ADCY8: variants seen among roughly 807,000 people sequenced by gnomAD.
ADCY8 encodes the protein adenylate cyclase 8, also known as adenylate cyclase type 8.
In ADCY8, 51 loss-of-function variants were observed where a neutral mutation model predicts 119.7. The ratio of observed to expected loss-of-function variants is 0.43; its 90% CI spans 0.34 to 0.54. ADCY8 has a LOEUF of 0.54. Ranked by LOEUF, ADCY8 falls within the 20% of genes least tolerant of loss-of-function variation. ADCY8 has a pLI of 0.03. For synonymous variants in ADCY8, 665 were observed against 651.0 expected (o/e 1.02, Z -0.33); for missense variants, 1,383 against 1,598.8 (o/e 0.87, Z 2.30).
chr8:130,851,667 T>C (rs1457397408), intron 9 of ADCY8, among the ~76,000 whole-genome samples: 2 of 152,264 alleles, frequency 1.3e-5, no homozygotes, highest in East Asian at 3.9e-4. Context: ...GGGAACAGTA[T>C]GATAATTGGG....
At chr8:130,925,594 CTA>C (rs1820441693) in intron 5 of ADCY8, among the ~76,000 whole-genome samples, 1 of 152,112 alleles carries the variant, frequency 6.6e-6, no homozygotes, top group Non-Finnish European at 1.5e-5. Context: ...AGCATATTTT[CTA>C]TGTCACCTTA....
chr8:130,953,631 A>G (rs545825615), intron 2 of ADCY8, among the ~76,000 whole-genome samples: 1 of 152,256 alleles, frequency 6.6e-6, no homozygotes, highest in East Asian at 1.9e-4. Flanking sequence ...CATTAGGTAA[A>G]CTATCTCATC....
intron 14 of ADCY8, among the ~76,000 whole-genome samples, chr8:130,811,644 G>T (rs1057072443): frequency 6.6e-6 from 1 of 152,206 alleles, no homozygotes; most frequent in Non-Finnish European, 1.5e-5. Flanking sequence ...CAAGTTAAAT[G>T]CCTCAGCAAG....
chr8:130,843,053 C>T (rs1817195949), intron 11 of ADCY8, among the ~76,000 whole-genome samples: 2 of 151,756 alleles, frequency 1.3e-5, no homozygotes, highest in Admixed American at 6.6e-5. Flanking sequence ...TTTTTGTATT[C>T]CTATACATAT....
At chr8:130,959,444 T>G (rs772540571) in intron 2 of ADCY8, among the ~76,000 whole-genome samples, 11 of 152,236 alleles carry the variant, frequency 7.2e-5, no homozygotes, top group Non-Finnish European at 1.6e-4. Context: ...TATGAAGCTG[T>G]GATTCATAAT....
chr8:130,934,487 T>C (rs553997743), intron 5 of ADCY8, among the ~76,000 whole-genome samples: 30 of 152,256 alleles, frequency 2.0e-4, no homozygotes, highest in African/African-American at 7.0e-4. Flanking sequence ...TTACCTCCCA[T>C]TAGGCCCCTC....
intron 3 of ADCY8, among the ~76,000 whole-genome samples, chr8:130,950,599 C>T (rs1000332373): frequency 6.6e-6 from 1 of 152,224 alleles, no homozygotes; most frequent in East Asian, 1.9e-4. Context: ...TTGCCTATGC[C>T]TTTCACTCTG....
intron 1 of ADCY8, among the ~76,000 whole-genome samples, chr8:131,037,724 G>A (rs1563777326): frequency 6.6e-6 from 1 of 151,994 alleles, no homozygotes; most frequent in Admixed American, 6.5e-5. Flanking sequence ...ATACAACAAA[G>A]AAAAATAAAA....
In ADCY8 at chr8:130,976,660, T is replaced by C. The variant is rs192133534; in HGVS notation, c.1110+13733A>G. 2.1e-4 allele frequency among the ~76,000 whole-genome samples: 32 copies of C among 152,340 alleles called. No individual in the cohort carries two copies. The East Asian group carries it at 5.6e-3, about 27-fold the overall frequency. On this transcript the variant is annotated intron_variant, in intron 2 of 17. Coordinates refer to ENST00000286355, the MANE Select transcript of ADCY8 (RefSeq NM_001115.3). ...ATATTGAATTTATATTTTATCTTGATGTGGAACTGAGCTTTTCACATTTAT... is the reference window on the plus strand; with the variant it reads ...ATATTGAATTTATATTTTATCTTGACGTGGAACTGAGCTTTTCACATTTAT...
chr8:130,846,548 A>G (rs6986731), intron 11 of ADCY8, among the ~76,000 whole-genome samples: 5 of 99,056 alleles, frequency 5.0e-5, no homozygotes, highest in Non-Finnish European at 1.0e-4. Flanking sequence ...TCCTTCCTTC[A>G]TTCCTTCATT....
intron 2 of ADCY8, among the ~76,000 whole-genome samples, chr8:130,975,210 C>G (rs923496256): frequency 4.6e-5 from 7 of 152,172 alleles, no homozygotes; most frequent in African/African-American, 1.4e-4. Flanking sequence ...TCATCAGGCC[C>G]TTAGAAATTA....
At chr8:130,938,866 G>A (rs950304270) in intron 4 of ADCY8, among the ~76,000 whole-genome samples, 6 of 152,130 alleles carry the variant, frequency 3.9e-5, no homozygotes, top group African/African-American at 1.2e-4. Flanking sequence ...TCTATTGGCT[G>A]CTTCAATGCA....
chr8:130,795,084 A>G (rs1176766296), intron 15 of ADCY8, among the ~76,000 whole-genome samples: 1 of 152,232 alleles, frequency 6.6e-6, no homozygotes, highest in Non-Finnish European at 1.5e-5. Context: ...ACCCCACAGT[A>G]TACAAAGCAT....
intron 17 of ADCY8, 110 bp from the exon 18 acceptor site, chr8:130,780,987 ACGGGAG>A: frequency 7.0e-7 from 1 of 1,434,018 alleles, no homozygotes; most frequent in South Asian, 1.3e-5. Context: ...CTGTGGATGA[ACGGGAG>A]GGTCCAGATC....
At chr8:130,983,120 A>G (rs111834415) in intron 2 of ADCY8, among the ~76,000 whole-genome samples, 1,831 of 152,314 alleles carry the variant, frequency 0.012, 46 homozygotes, top group African/African-American at 0.042. Context: ...AAGGGATAAT[A>G]AAAGAGAGTT....
chr8:130,894,261 C>T (rs1243489062), intron 7 of ADCY8, among the ~76,000 whole-genome samples: 1 of 152,128 alleles, frequency 6.6e-6, no homozygotes, highest in Non-Finnish European at 1.5e-5. Context: ...TACATTGCTA[C>T]CTCTTTGGGG....
rs765977550 is a variant in ADCY8, at chr8:130,937,060, G to T, written c.1481+13C>A. 6.2e-7 allele frequency: 1 copy of T among 1,603,996 alleles called. No homozygotes were observed. The highest frequency in any genetic ancestry group is 1.1e-5 in the South Asian group (1 of 89,748). The stretch of plus-strand genomic sequence containing the variant: ...TTGAAGACCCAGGTAACATGATGGG[G>T]ATCACAAATTACCTGATGGTTTTGA... On this transcript the variant is annotated intron_variant, in intron 5 of 17. Coordinates refer to ENST00000286355, the MANE Select transcript of ADCY8 (RefSeq NM_001115.3).
At chr8:131,000,192 A>T (rs575255826) in intron 1 of ADCY8, among the ~76,000 whole-genome samples, 1 of 152,218 alleles carries the variant, frequency 6.6e-6, no homozygotes, top group South Asian at 2.1e-4. Flanking sequence ...TAGGCCTGGG[A>T]ATTGGGTACA....
At chr8:130,959,809 C>A (rs1052893073) in intron 2 of ADCY8, among the ~76,000 whole-genome samples, 2 of 152,084 alleles carry the variant, frequency 1.3e-5, no homozygotes, top group Non-Finnish European at 2.9e-5. Context: ...TTTGAGAAAC[C>A]AAAAGAAGGA....
Sources: gnomAD v4.1 joint callset for allele counts (sites outside exome capture counted in the v4.1 genomes callset) on GRCh38, gnomAD v4.1.1 for gene constraint, MANE v1.5 for transcripts, NCBI Gene and HGNC (gene_info 2026-07-23, HGNC 2026-07-21) for gene names.